Variants in CPNE5 observed in about 807,000 individuals in gnomAD.
CPNE5 encodes the protein copine 5.
In CPNE5, 42 loss-of-function variants were observed where a neutral mutation model predicts 81.1. The observed-to-expected ratio is 0.52, with a 90% CI of 0.40 to 0.67. The LOEUF is 0.67. CPNE5 is among the 30% of genes least tolerant of loss of function. The pLI is 0.00. For synonymous variants in CPNE5, 313 were observed against 321.5 expected (o/e 0.97, Z 0.28); for missense variants, 612 against 815.5 (o/e 0.75, Z 3.04).
At chr6:36,775,252 A>T (rs1397221212) in intron 9 of CPNE5, among the ~76,000 whole-genome samples, 187 bp from the exon 10 acceptor site, 1 of 152,124 alleles carries the variant, frequency 6.6e-6, no homozygotes, top group Non-Finnish European at 1.5e-5. Context: ...TTTGCTGGAG[A>T]TCCTGCAGAA....
At chr6:36,760,563 G>A (rs1026710761) in intron 12 of CPNE5, among the ~76,000 whole-genome samples, 3 of 152,152 alleles carry the variant, frequency 2.0e-5, no homozygotes, top group Non-Finnish European at 4.4e-5. Flanking sequence ...TGAGGGGAAC[G>A]ATGTCAGAAA....
At chr6:36,800,343 C>T (rs73416230) in intron 3 of CPNE5, among the ~76,000 whole-genome samples, 1,845 of 152,314 alleles carry the variant, frequency 0.012, 45 homozygotes, top group African/African-American at 0.042. Context: ...AGGCCCTTCC[C>T]TTCACCTGGC....
intron 1 of CPNE5, among the ~76,000 whole-genome samples, chr6:36,835,855 A>G (rs1388711047): frequency 1.3e-5 from 2 of 152,158 alleles, no homozygotes; most frequent in African/African-American, 2.4e-5. Flanking sequence ...GGACACACAC[A>G]GACCCTGGGA....
intron 3 of CPNE5, among the ~76,000 whole-genome samples, chr6:36,815,327 C>T (rs1205586315): frequency 6.6e-6 from 1 of 152,170 alleles, no homozygotes; most frequent in Non-Finnish European, 1.5e-5. Context: ...ATTCATCCCC[C>T]AGCACATAGT....
intron 9 of CPNE5, among the ~76,000 whole-genome samples, chr6:36,776,671 C>T (rs574878028): frequency 6.6e-6 from 1 of 152,292 alleles, no homozygotes; most frequent in South Asian, 2.1e-4. Flanking sequence ...TCTGCAGCCT[C>T]CCATCTCTGG....
intron 8 of CPNE5, among the ~76,000 whole-genome samples, chr6:36,790,428 G>A (rs1012309305): frequency 6.6e-6 from 1 of 152,122 alleles, no homozygotes; most frequent in Non-Finnish European, 1.5e-5. Context: ...TTTTCCAGAG[G>A]TTATCTGACA....
intron 8 of CPNE5, among the ~76,000 whole-genome samples, chr6:36,781,258 C>T (rs1017653957): frequency 6.6e-6 from 1 of 152,072 alleles, no homozygotes; most frequent in African/African-American, 2.4e-5. Context: ...TTCCAAGGCC[C>T]TAGAAGCTCC....
intron 3 of CPNE5, among the ~76,000 whole-genome samples, chr6:36,807,045 T>C (rs1482043823): frequency 6.6e-6 from 1 of 152,238 alleles, no homozygotes; most frequent in African/African-American, 2.4e-5. Context: ...CTGGGCTTTA[T>C]GTGGGTTTGT....
chr6:36,779,784 G>A (rs867859107), intron 8 of CPNE5, among the ~76,000 whole-genome samples: 4 of 152,166 alleles, frequency 2.6e-5, no homozygotes, highest in Middle Eastern at 3.2e-3. Context: ...TGGGGCCAAC[G>A]GGGCACTGGG....
At chr6:36,813,486 G>A (rs777608679) in intron 3 of CPNE5, among the ~76,000 whole-genome samples, 2 of 152,152 alleles carry the variant, frequency 1.3e-5, no homozygotes, top group Non-Finnish European at 2.9e-5. Flanking sequence ...AGCTGAGATC[G>A]AGCCATTGCA....
chr6:36,794,182 A>T (rs1769352939), intron 7 of CPNE5, among the ~76,000 whole-genome samples: 1 of 126,714 alleles, frequency 7.9e-6, no homozygotes, highest in Admixed American at 9.4e-5. Flanking sequence ...CAGGGGGGAA[A>T]GGATAAAGAC....
chr6:36,778,703 G>T (rs911863931), intron 9 of CPNE5, 151 bp downstream of exon 9: 10 of 616,190 alleles, frequency 1.6e-5, no homozygotes, highest in Admixed American at 9.5e-5. Context: ...CTACCCTGGG[G>T]CCCCGGACTT....
intron 10 of CPNE5, among the ~76,000 whole-genome samples, chr6:36,769,477 G>C (rs774969385): frequency 1.3e-5 from 2 of 152,238 alleles, no homozygotes; most frequent in Non-Finnish European, 1.5e-5. Context: ...TTTCCTCCCA[G>C]CTGAGCTGCA....
chr6:36,800,687 G>C (rs1003446800), intron 3 of CPNE5, among the ~76,000 whole-genome samples: 1 of 152,184 alleles, frequency 6.6e-6, no homozygotes, highest in Non-Finnish European at 1.5e-5. Context: ...ACTGAACAGA[G>C]TATCTCACAA....
At chr6:36,762,868 A>C (rs1766186359) in intron 12 of CPNE5, 49 bp downstream of exon 12, 1 of 1,472,654 alleles carries the variant, frequency 6.8e-7, no homozygotes, top group African/African-American at 1.4e-5. Context: ...GTCCTCAGTG[A>C]CTGGGCCACT....
chr6:36,752,466 G>C (rs988182859), intron 14 of CPNE5: 1 of 152,276 alleles, frequency 6.6e-6, no homozygotes. Context: ...CCCCAATCCC[G>C]CTGCCCTTAC....
At chr6:36,748,563 C>G (rs778537890) in intron 14 of CPNE5, among the ~76,000 whole-genome samples, 1 of 152,156 alleles carries the variant, frequency 6.6e-6, no homozygotes, top group African/African-American at 2.4e-5. Context: ...AACCCTACCC[C>G]CTGGGCCCAC....
rs1045269116 is a variant in CPNE5 at position 36,839,183 on chromosome 6, T to C, written c.95+100A>G. 35 of 860,724 alleles carry C rather than the reference T, an allele frequency of 4.1e-5. No homozygotes were observed. The highest frequency in any genetic ancestry group is 6.0e-5 in the Non-Finnish European group (34 of 571,382). 53.3% of individuals were successfully genotyped at this position (860,724 alleles called of 1,614,324 possible). A position where few individuals can be genotyped will look rare whatever the true frequency, so the allele number is the denominator to read the frequency against. ...CGCAGTCCTGGAGACCAGGACACTCTGGGAAGGGGGCGCGCGGAGGTTTAG... is the reference window on the plus strand; with the variant it reads ...CGCAGTCCTGGAGACCAGGACACTCCGGGAAGGGGGCGCGCGGAGGTTTAG... On this transcript the variant is annotated intron_variant, in intron 1 of 20. Coordinates refer to ENST00000244751, the MANE Select transcript of CPNE5 (RefSeq NM_020939.2). This position sits in a 1 kb window ranked among gnomAD's most constrained non-coding sequence, Gnocchi z 7.3.
intron 1 of CPNE5, chr6:36,827,683 A>G: frequency 3.0e-6 from 3 of 985,416 alleles, no homozygotes; most frequent in Non-Finnish European, 3.6e-6. Flanking sequence ...GAGGACTTCC[A>G]GGCCCAGGGG....
Sources: gnomAD v4.1 joint callset for allele counts (sites outside exome capture counted in the v4.1 genomes callset) on GRCh38, gnomAD v4.1.1 for gene constraint, Gnocchi (gnomAD v3.1) non-coding constraint, MANE v1.5 for transcripts, NCBI Gene and HGNC (gene_info 2026-07-23, HGNC 2026-07-21) for gene names.